Variants in SLC16A2 observed in about 807,000 individuals in gnomAD.
SLC16A2 encodes monocarboxylate transporter 8.
A neutral mutation model predicts 27.2 loss-of-function variants in SLC16A2; 3 were observed. The observed-to-expected ratio is 0.11, with a 90% confidence interval of 0.05 to 0.28. The LOEUF is 0.28. Ranked by LOEUF, SLC16A2 falls within the 10% of genes least tolerant of loss-of-function variation. SLC16A2 has a pLI of 1.00. For missense variants in SLC16A2, 295 were observed against 458.5 expected (o/e 0.64, Z 3.26); for synonymous variants, 202 against 187.8 (o/e 1.08, Z -0.62).
At chrX:74,427,811 G>GCACACACACA (rs35510872) in intron 1 of SLC16A2, among the ~76,000 whole-genome samples, 30 of 101,725 alleles carry the variant, frequency 2.9e-4, no homozygotes, top group African/African-American at 9.7e-4. Context: ...GCACGCGCGC[G>GCACACACACA]CACACACACA....
intron 1 of SLC16A2, among the ~76,000 whole-genome samples, chrX:74,469,858 T>C (rs1054345423): frequency 1.8e-5 from 2 of 111,637 alleles, no homozygotes; most frequent in African/African-American, 6.5e-5. Flanking sequence ...ATAATTTACA[T>C]TAGGTTCACT....
At chrX:74,422,247 G>T (rs1928317660) in intron 1 of SLC16A2, among the ~76,000 whole-genome samples, 180 bp downstream of exon 1, 1 of 111,658 alleles carries the variant, frequency 9.0e-6, no homozygotes, top group Non-Finnish European at 1.9e-5. Flanking sequence ...CGGGTTGCGG[G>T]GCTTTGGGCA....
At chrX:74,510,756 A>T (rs1225764576) in intron 1 of SLC16A2, among the ~76,000 whole-genome samples, 1 of 111,119 alleles carries the variant, frequency 9.0e-6, no homozygotes, top group Admixed American at 9.6e-5. Flanking sequence ...TGACTTTAAA[A>T]CCTTTGAAAC....
intron 1 of SLC16A2, among the ~76,000 whole-genome samples, chrX:74,511,420 A>C (rs889830745): frequency 1.8e-5 from 2 of 111,939 alleles, no homozygotes; most frequent in African/African-American, 6.5e-5. Flanking sequence ...TGACTTCGTG[A>C]TCCTCACGCC....
At chrX:74,433,371 CA>C (rs146613852) in intron 1 of SLC16A2, among the ~76,000 whole-genome samples, 1,016 of 78,609 alleles carry the variant, frequency 0.013, 13 homozygotes, top group African/African-American at 0.034. Context: ...GACTCTGTCT[CA>C]AAAAAAAAAA....
At chrX:74,440,631 T>C (rs758110958) in intron 1 of SLC16A2, among the ~76,000 whole-genome samples, 20 of 107,412 alleles carry the variant, frequency 1.9e-4, no homozygotes, top group Non-Finnish European at 3.5e-4. Flanking sequence ...AGAGAGTCAA[T>C]TGTGGTGTGT....
rs1449721623 is a variant in SLC16A2 at position 74,533,397 on chromosome X, G to T, written c.*1844G>T. ...TGGGTAGGAAGGGGCCCTAGAAAGG[G>T]CCTAGTTACTATCCTGTCAGTTCTA... On this transcript the variant is annotated 3_prime_UTR_variant, in exon 6 of 6. Coordinates refer to ENST00000587091, the MANE Select transcript of SLC16A2 (RefSeq NM_006517.5). 1 of 112,252 alleles carries T rather than the reference G, an allele frequency of 8.9e-6. No individual in the cohort carries two copies. Among genetic ancestry groups the T allele is most frequent in the African/African-American group, 3.3e-5 (1 of 30,731 alleles). 9.3% of individuals were successfully genotyped at this position (112,252 alleles called of 1,213,427 possible).
At chrX:74,453,041 T>C (rs1315770886) in intron 1 of SLC16A2, among the ~76,000 whole-genome samples, 3 of 95,736 alleles carry the variant, frequency 3.1e-5, no homozygotes, top group Non-Finnish European at 6.0e-5. Flanking sequence ...ATCCTACTGC[T>C]GTGCAGGTTG....
At chrX:74,454,305 T>C (rs1347807861) in intron 1 of SLC16A2, among the ~76,000 whole-genome samples, 1 of 110,427 alleles carries the variant, frequency 9.1e-6, no homozygotes, top group Non-Finnish European at 1.9e-5. Context: ...CTATTCACAA[T>C]AGCAAAGACT....
chrX:74,444,061 T>C (rs1306891815), intron 1 of SLC16A2, among the ~76,000 whole-genome samples: 1 of 111,510 alleles, frequency 9.0e-6, no homozygotes, highest in Non-Finnish European at 1.9e-5. Context: ...AGCAGAGCAC[T>C]GCTCAGGGTC....
intron 1 of SLC16A2, among the ~76,000 whole-genome samples, chrX:74,469,351 TGCTGG>T (rs1929308986): frequency 8.9e-6 from 1 of 111,856 alleles, no homozygotes; most frequent in African/African-American, 3.2e-5. Context: ...GCAGTGGGAA[TGCTGG>T]ATCATATGGT....
intron 4 of SLC16A2, among the ~76,000 whole-genome samples, chrX:74,528,534 G>C (rs138493991): frequency 4.6e-4 from 51 of 111,375 alleles, no homozygotes; most frequent in African/African-American, 1.6e-3. Context: ...CCCCTGGAAG[G>C]CTCCTCTGTT....
At chrX:74,504,074 A>T (rs189491786) in intron 1 of SLC16A2, among the ~76,000 whole-genome samples, 43 of 112,519 alleles carry the variant, frequency 3.8e-4, no homozygotes, top group East Asian at 5.6e-4. Flanking sequence ...TGAAGAAAAG[A>T]AATATGTGAG....
chrX:74,483,645 G>A (rs1050507868), intron 1 of SLC16A2, among the ~76,000 whole-genome samples: 2 of 111,678 alleles, frequency 1.8e-5, no homozygotes, highest in Admixed American at 1.9e-4. Flanking sequence ...CAGAATCTCT[G>A]CTCTACTACA....
intron 2 of SLC16A2, among the ~76,000 whole-genome samples, chrX:74,521,965 G>A (rs1008683751): frequency 1.8e-5 from 2 of 111,953 alleles, no homozygotes; most frequent in Non-Finnish European, 3.8e-5. Flanking sequence ...TGTGTGTAGG[G>A]TAAGGGAGAA....
chrX:74,462,886 C>A (rs1343097282), intron 1 of SLC16A2, among the ~76,000 whole-genome samples: 2 of 112,044 alleles, frequency 1.8e-5, no homozygotes, highest in African/African-American at 6.5e-5. Flanking sequence ...CCCACAGACT[C>A]AACAAAGGGA....
intron 1 of SLC16A2, among the ~76,000 whole-genome samples, chrX:74,436,561 G>T (rs1021404490): frequency 8.9e-6 from 1 of 111,879 alleles, no homozygotes; most frequent in Admixed American, 9.5e-5. Flanking sequence ...ACCACGTAGG[G>T]TTGTTAAATG....
intron 1 of SLC16A2, 122 bp downstream of exon 1, chrX:74,422,189 ACCCCTTACCCCTTG>A: frequency 1.4e-6 from 1 of 693,346 alleles, no homozygotes; most frequent in Non-Finnish European, 2.2e-6. Context: ...TCCTCCCCTT[ACCCCTTACCCCTTG>A]CCCCTTGCCC....
chrX:74,531,606 C>A lies in SLC16A2; in HGVS notation c.*53C>A. On this transcript the variant is annotated 3_prime_UTR_variant, in exon 6 of 6. Coordinates refer to ENST00000587091, the MANE Select transcript of SLC16A2 (RefSeq NM_006517.5). ...CCCAGCTCTTCCCCTTCATCCCACC[C>A]TGCTCAGCATTTACATTTTTGCCAC... 1.0e-6 allele frequency: 1 copy of A among 995,457 alleles called. No homozygotes were observed. Among genetic ancestry groups the A allele is most frequent in the Non-Finnish European group, 1.4e-6 (1 of 699,660 alleles). 82.0% of individuals were successfully genotyped at this position (995,457 alleles called of 1,213,427 possible).
Sources: allele counts gnomAD v4.1 joint callset (sites outside exome capture counted in the v4.1 genomes callset), GRCh38; gene constraint gnomAD v4.1.1; transcripts MANE v1.5; gene names NCBI Gene and HGNC (gene_info 2026-07-23, HGNC 2026-07-21).